The following CD207 variants were observed in gnomAD, a reference collection of about 807,000 sequenced individuals.
CD207 encodes the protein C-type lectin domain family 4 member K.
Under a neutral mutation model 31.6 loss-of-function variants are expected in CD207, and 28 were observed. That is an observed-to-expected ratio of 0.89 (90% confidence interval 0.66 to 1.21). The LOEUF is 1.21. CD207 is among the 50% of genes most tolerant of loss of function. CD207 has a pLI of 0.00. For synonymous variants in CD207, 168 were observed against 153.9 expected (o/e 1.09, Z -0.68); for missense variants, 388 against 397.8 (o/e 0.98, Z 0.21).
In CD207 at chr2:70,835,729, T is replaced by C. The variant is rs782311518; in HGVS notation, c.48A>G (p.Lys16=). The change falls in exon 1 of 6, where the codon AAA becomes AAG. Residue 16 remains lysine (K), a synonymous_variant. Coordinates refer to ENST00000410009, the MANE Select transcript of CD207 (RefSeq NM_015717.5). ...CTCGGGGCCAGAGGGAGATGTTCTG[T>C]TTGTCCACAGTGAAGTGCGCATCAG... is the stretch of plus-strand genomic sequence containing the variant. ...EAPDAHFTVD[K]QNISLWPREP... The C allele has an allele frequency of 3.7e-6, 6 of 1,613,212 alleles. No individual in the cohort carries two copies. In the East Asian group the frequency reaches 1.1e-4, roughly 30 times the overall value.
intron 2 of CD207, among the ~76,000 whole-genome samples, chr2:70,834,494 G>C (rs1487862420): frequency 6.6e-6 from 1 of 152,082 alleles, no homozygotes; most frequent in African/African-American, 2.4e-5. Context: ...TCTGTCCATG[G>C]GCCCCTCTGT....
Position 70,830,879 on chromosome 2 carries a change from G to C in CD207, c.*171C>G, listed in dbSNP as rs74392937. On this transcript the variant is annotated 3_prime_UTR_variant, in exon 6 of 6. Coordinates refer to ENST00000410009, the MANE Select transcript of CD207 (RefSeq NM_015717.5). ...TTTCCATTCCAGCTGCCTCCAAGACGTCAGAGAATTTCCAGCCAAGACAGA... is the reference window on the plus strand; with the variant it reads ...TTTCCATTCCAGCTGCCTCCAAGACCTCAGAGAATTTCCAGCCAAGACAGA... 7.0e-6 allele frequency: 4 copies of C among 575,494 alleles called. No individual in the cohort carries two copies. Among genetic ancestry groups the C allele is most frequent in the East Asian group, 2.9e-5 (1 of 33,960 alleles). 35.6% of individuals were successfully genotyped at this position (575,494 alleles called of 1,614,324 possible).
chr2:70,824,855 A>T, the CD207 span, among the ~76,000 whole-genome samples: 1 of 152,224 alleles, frequency 6.6e-6, no homozygotes, highest in Non-Finnish European at 1.5e-5. Flanking sequence ...TAGGGCAGAA[A>T]ATGTCCAAAT....
chr2:70,829,082 T>C (rs1677409790), downstream of CD207, among the ~76,000 whole-genome samples: 1 of 152,204 alleles, frequency 6.6e-6, no homozygotes, highest in African/African-American at 2.4e-5. Context: ...CAACTTCCTT[T>C]TGTTAACAGC....
downstream of CD207, among the ~76,000 whole-genome samples, chr2:70,829,599 T>G (rs1046810070): frequency 2.0e-5 from 3 of 152,276 alleles, no homozygotes; most frequent in Non-Finnish European, 4.4e-5. Context: ...CAAGGATATA[T>G]CTGGTGAGAG....
downstream of CD207, among the ~76,000 whole-genome samples, chr2:70,829,400 G>C (rs1163631069): frequency 1.3e-5 from 2 of 152,374 alleles, no homozygotes; most frequent in African/African-American, 2.4e-5. Context: ...GAGTGAACCA[G>C]CCAGGGCTGT....
In CD207 at chr2:70,833,011, G is replaced by C; in HGVS notation, c.606C>G (p.Phe202Leu). Residue 202 changes from phenylalanine to leucine, a missense_variant, in exon 4 of 6, where the codon TTC becomes TTG. By Grantham distance (22) the Phe-to-Leu change is conservative. Transcript: ENST00000410009. ...LQVVSQGWKY[F>L]KGNFYYFSLI... is the part of the protein sequence containing the mutation. ...GAGAAAAGTAATAGAAGTTCCCCTT[G>C]AAGTACTTCCAGCCTTGAGAAACCA... 6.2e-7 allele frequency: 1 copy of C among 1,613,928 alleles called. No homozygotes were observed. The highest frequency in any genetic ancestry group is 1.3e-5 in the African/African-American group (1 of 75,058).
chr2:70,834,634 G>A (rs1321520455), intron 2 of CD207, among the ~76,000 whole-genome samples: 1 of 152,162 alleles, frequency 6.6e-6, no homozygotes, highest in Non-Finnish European at 1.5e-5. Context: ...TCCCAGGCCT[G>A]GGTACCAGAG....
downstream of CD207, among the ~76,000 whole-genome samples, chr2:70,825,965 G>C (rs1486192164): frequency 2.0e-5 from 3 of 149,878 alleles, no homozygotes; most frequent in African/African-American, 7.4e-5. Flanking sequence ...GGGCAACATA[G>C]CAAGACCTCA....
chr2:70,829,784 T>C (rs1544650), downstream of CD207, among the ~76,000 whole-genome samples: 140,767 of 152,130 alleles, frequency 0.93, 65,440 homozygotes, highest in Non-Finnish European at 0.97. Flanking sequence ...CCTGAGGACC[T>C]TAATGAAGAC....
intron 4 of CD207, 107 bp from the exon 5 acceptor site, chr2:70,831,926 C>T (rs528930512): frequency 1.8e-5 from 13 of 742,698 alleles, no homozygotes; most frequent in South Asian, 3.1e-5. Flanking sequence ...CCCACAGATG[C>T]GCTGCACAAA....
downstream of CD207, among the ~76,000 whole-genome samples, chr2:70,826,587 C>G (rs891801221): frequency 3.3e-5 from 5 of 152,184 alleles, no homozygotes; most frequent in Middle Eastern, 3.4e-3. Context: ...CTGGGTTGAC[C>G]AAGCAGATCT....
At chr2:70,831,949 G>T (rs782253660) in intron 4 of CD207, 130 bp from the exon 5 acceptor site, 11 of 654,568 alleles carry the variant, frequency 1.7e-5, no homozygotes, top group Non-Finnish European at 2.8e-5. Context: ...GGCCTCTCAA[G>T]CTTCTTCCTG....
chr2:70,824,466 A>G, the CD207 span, among the ~76,000 whole-genome samples: 2 of 152,026 alleles, frequency 1.3e-5, no homozygotes, highest in Non-Finnish European at 2.9e-5. Flanking sequence ...AGCAACAGCC[A>G]CACAGCCCCC....
downstream of CD207, among the ~76,000 whole-genome samples, chr2:70,827,590 G>T (rs1677375162): frequency 6.6e-6 from 1 of 152,194 alleles, no homozygotes; most frequent in Non-Finnish European, 1.5e-5. Context: ...AGAAGCCAGG[G>T]TGCTTTGTAA....
chr2:70,833,183 T>G, intron 3 of CD207, 132 bp from the exon 4 acceptor site: 1 of 756,832 alleles, frequency 1.3e-6, no homozygotes, highest in East Asian at 2.6e-5. Flanking sequence ...TGGGTCCTTG[T>G]ATAGGAGATT....
At chr2:70,829,842 G>C (rs888182201), downstream of CD207, among the ~76,000 whole-genome samples, 1 of 152,110 alleles carries the variant, frequency 6.6e-6, no homozygotes, top group African/African-American at 2.4e-5. Flanking sequence ...CTGCTGCCTG[G>C]ATTCCAGCTT....
At chr2:70,828,682 T>C (rs970761798), downstream of CD207, among the ~76,000 whole-genome samples, 1 of 152,170 alleles carries the variant, frequency 6.6e-6, no homozygotes, top group African/African-American at 2.4e-5. Context: ...TTCTTTTTTT[T>C]TGAAACAAAG....
Position 70,832,885 on chromosome 2 carries a change from A to AG in CD207, c.717+14dup. The AG allele has an allele frequency of 6.2e-7, 1 of 1,608,164 alleles. No homozygotes were observed. The highest frequency in any genetic ancestry group is 8.5e-7 in the Non-Finnish European group (1 of 1,176,242). ...CATACGCCCCCTTCACAGAGCCCATAGGCACAGCACTCACCTGCTCACTCT... is the reference window on the plus strand; with the variant it reads ...CATACGCCCCCTTCACAGAGCCCATAGGGCACAGCACTCACCTGCTCACTCT... On this transcript the variant is annotated intron_variant, in intron 4 of 5. Transcript: ENST00000410009.
Sources: gnomAD v4.1 joint callset for allele counts (sites outside exome capture counted in the v4.1 genomes callset) on GRCh38, gnomAD v4.1.1 for gene constraint, MANE v1.5 for transcripts, NCBI Gene and HGNC (gene_info 2026-07-23, HGNC 2026-07-21) for gene names.